The following RALYL variants were observed in gnomAD, a reference collection of about 807,000 sequenced individuals.
RALYL encodes the protein RNA-binding Raly-like protein.
In RALYL, 29 loss-of-function variants were observed where a neutral mutation model predicts 35.1. That is an observed-to-expected ratio of 0.83 (90% CI 0.61 to 1.13). RALYL has a LOEUF of 1.13. Among genes scored for constraint, RALYL ranks in the 50% most tolerant of loss-of-function variants. RALYL has a pLI of 0.00. For missense variants in RALYL, 359 were observed against 360.4 expected, an observed-to-expected ratio of 1.00 and a Z score of 0.03; for synonymous variants, 120 against 127.6, an observed-to-expected ratio of 0.94 and a Z score of 0.40.
At chr8:84,273,650 T>C (rs1178676688) in intron 1 of RALYL, among the ~76,000 whole-genome samples, 1 of 152,256 alleles carries the variant, frequency 6.6e-6, no homozygotes, top group Non-Finnish European at 1.5e-5. Context: ...ATTTTAGCTC[T>C]TAGTATTACT....
At chr8:84,246,596 A>G (rs535366373) in intron 1 of RALYL, among the ~76,000 whole-genome samples, 2 of 151,904 alleles carry the variant, frequency 1.3e-5, no homozygotes, top group African/African-American at 2.4e-5. Context: ...CAGAAGGCCA[A>G]TGTGGTTGGA....
At chr8:84,223,166 C>CTCCCTTCCCTTCCCT (rs11277780) in intron 1 of RALYL, among the ~76,000 whole-genome samples, 1 of 83,858 alleles carries the variant, frequency 1.2e-5, no homozygotes, top group South Asian at 4.4e-4. Flanking sequence ...TCTTTCCTTC[C>CTCCCTTCCCTTCCCT]TCCCTTCCCT....
intron 1 of RALYL, among the ~76,000 whole-genome samples, chr8:84,460,091 T>C (rs1242953904): frequency 1.3e-5 from 2 of 151,774 alleles, no homozygotes; most frequent in Non-Finnish European, 3.0e-5. Flanking sequence ...TATTTGCAAG[T>C]ATACAAATAT....
At chr8:84,298,390 A>G (rs1840165778) in intron 1 of RALYL, among the ~76,000 whole-genome samples, 1 of 151,250 alleles carries the variant, frequency 6.6e-6, no homozygotes, top group African/African-American at 2.4e-5. Flanking sequence ...TCCATTGTCT[A>G]TTGTGTTTGT....
At chr8:84,773,774 T>G (rs937375110) in intron 2 of RALYL, among the ~76,000 whole-genome samples, 4 of 152,232 alleles carry the variant, frequency 2.6e-5, no homozygotes, top group Admixed American at 2.0e-4. Flanking sequence ...CCTTCTAGCT[T>G]CCTTTTCTAT....
intron 2 of RALYL, among the ~76,000 whole-genome samples, chr8:84,655,081 T>G (rs1361825973): frequency 6.6e-6 from 1 of 152,134 alleles, no homozygotes; most frequent in Non-Finnish European, 1.5e-5. Flanking sequence ...TTTTCCTTTC[T>G]GCTACATGCT....
At chr8:84,328,506 C>T (rs185225819) in intron 1 of RALYL, among the ~76,000 whole-genome samples, 23 of 152,284 alleles carry the variant, frequency 1.5e-4, no homozygotes, top group Admixed American at 7.2e-4. Context: ...TTTGTAGATA[C>T]AGAAAAAGGC....
chr8:84,714,592 G>A lies in RALYL; in HGVS notation c.257-59987G>A, dbSNP rs528192375. 4.6e-5 allele frequency among the ~76,000 whole-genome samples: 7 copies of A among 151,944 alleles called. No individual in the cohort carries two copies. The South Asian group carries it at 1.4e-3, about 31-fold the overall frequency. On this transcript the variant is annotated intron_variant, in intron 2 of 8. Transcript: ENST00000521268. ...CTAAAGAAAAGATAACCATTCATAA[G>A]CATCAATGCAGTGTAGGAAGTAGTG... is the stretch of plus-strand genomic sequence containing the variant.
At chr8:84,461,182 G>A (rs918947623) in intron 1 of RALYL, among the ~76,000 whole-genome samples, 23 of 151,524 alleles carry the variant, frequency 1.5e-4, no homozygotes, top group African/African-American at 4.6e-4. Context: ...TTTTAAATGT[G>A]GAAACCCTGT....
intron 1 of RALYL, among the ~76,000 whole-genome samples, chr8:84,239,750 A>T (rs1827436213): frequency 6.6e-6 from 1 of 151,780 alleles, no homozygotes; most frequent in Non-Finnish European, 1.5e-5. Flanking sequence ...AATTAGCCAG[A>T]CGTGGTGGTG....
At chr8:84,266,745 G>T (rs955311689) in intron 1 of RALYL, among the ~76,000 whole-genome samples, 1 of 152,104 alleles carries the variant, frequency 6.6e-6, no homozygotes, top group Non-Finnish European at 1.5e-5. Context: ...CGGATCACGA[G>T]GTCAGGAGAT....
chr8:84,621,966 G>T (rs1022545654), intron 2 of RALYL, among the ~76,000 whole-genome samples: 6 of 152,062 alleles, frequency 3.9e-5, no homozygotes, highest in Non-Finnish European at 8.8e-5. Context: ...TAATTACAAG[G>T]TGACATCTGC....
At chr8:84,579,998 A>G (rs1810453302) in intron 2 of RALYL, among the ~76,000 whole-genome samples, 1 of 152,210 alleles carries the variant, frequency 6.6e-6, no homozygotes, top group South Asian at 2.1e-4. Flanking sequence ...CCAAAATATC[A>G]CTTCAATGGT....
chr8:84,715,650 TAGAATA>T (rs951765688), intron 2 of RALYL, among the ~76,000 whole-genome samples: 54 of 152,146 alleles, frequency 3.5e-4, no homozygotes, highest in African/African-American at 1.3e-3. Flanking sequence ...TTCCAGAACT[TAGAATA>T]AGTGAAGTTC....
chr8:84,638,806 A>G (rs184922385), intron 2 of RALYL, among the ~76,000 whole-genome samples: 7 of 148,006 alleles, frequency 4.7e-5, no homozygotes, highest in African/African-American at 1.8e-4. Flanking sequence ...TAACTAAACT[A>G]TGTTGTTATG....
chr8:84,823,151 A>G (rs1009259777), intron 4 of RALYL, among the ~76,000 whole-genome samples: 1 of 152,166 alleles, frequency 6.6e-6, no homozygotes, highest in Non-Finnish European at 1.5e-5. Context: ...ATGATTTTGT[A>G]CAAAAGTATC....
intron 3 of RALYL, among the ~76,000 whole-genome samples, chr8:84,790,786 A>C (rs1418990484): frequency 6.6e-6 from 1 of 152,210 alleles, no homozygotes; most frequent in African/African-American, 2.4e-5. Flanking sequence ...CAGAAAATAG[A>C]AGTGAGATCC....
intron 8 of RALYL, among the ~76,000 whole-genome samples, chr8:84,896,935 G>A (rs1441635375): frequency 6.6e-6 from 1 of 152,084 alleles, no homozygotes; most frequent in African/African-American, 2.4e-5. Flanking sequence ...CAGATAAATA[G>A]TAAATGATTT....
chr8:84,834,836 G>T (rs1317384870), intron 4 of RALYL, among the ~76,000 whole-genome samples: 1 of 152,162 alleles, frequency 6.6e-6, no homozygotes, highest in Non-Finnish European at 1.5e-5. Flanking sequence ...ATAGCAGAAA[G>T]TTCCACAGAT....
Sources: allele counts gnomAD v4.1 joint callset (sites outside exome capture counted in the v4.1 genomes callset), GRCh38; gene constraint gnomAD v4.1.1; transcripts MANE v1.5; gene names NCBI Gene and HGNC (gene_info 2026-07-23, HGNC 2026-07-21).